The following HSF4 variants were observed in gnomAD, a reference collection of about 807,000 sequenced individuals.
HSF4 encodes the protein heat shock factor protein 4.
HSF4 carries 41 observed loss-of-function variants against 52.0 expected under a neutral mutation model. The ratio of observed to expected loss-of-function variants is 0.79; its 90% CI spans 0.61 to 1.02. The LOEUF is 1.02. HSF4 is among the 50% of genes least tolerant of loss of function. The pLI, the probability that HSF4 is intolerant of heterozygous loss-of-function variation, is 0.00. For synonymous variants in HSF4, 285 were observed against 273.0 expected (o/e 1.04, Z -0.43); for missense variants, 610 against 651.1 (o/e 0.94, Z 0.69).
chr16:67,164,325 C>T (rs1323253436), upstream of HSF4: 1 of 397,198 alleles, frequency 2.5e-6, no homozygotes, highest in African/African-American at 2.1e-5. Flanking sequence ...GGCACTCACA[C>T]CCTTGGAATG....
chr16:67,169,072 C>T lies in HSF4; in HGVS notation c.1225C>T (p.Leu409=). 6.2e-7 allele frequency: 1 copy of T among 1,613,680 alleles called. No individual in the cohort carries two copies. Among genetic ancestry groups the T allele is most frequent in the Non-Finnish European group, 8.5e-7 (1 of 1,180,028 alleles). The stretch of plus-strand genomic sequence containing the variant: ...CAGTCTCCAAGGGCGAGAATGGACC[C>T]TGATGGACTTGGACATGGAGCTGTC... The part of the protein sequence containing the change: ...GPSLQGREWT[L]MDLDMELSLM... The change falls in exon 11 of 13, where the codon CTG becomes TTG. Residue 409 remains leucine (L), a synonymous_variant. Transcript: ENST00000521374. The surrounding 1 kb of genome is among the most constrained non-coding windows in gnomAD (Gnocchi z 4.3).
intron 6 of HSF4, 147 bp from the exon 7 acceptor site, chr16:67,166,973 C>T: frequency 8.9e-7 from 1 of 1,119,140 alleles, no homozygotes; most frequent in Non-Finnish European, 1.3e-6. Context: ...GCCCCTTCCA[C>T]CTCCAGCATG....
rs768496701 is a variant in HSF4, at chr16:67,164,778, G to A, written c.-34G>A. 7.6e-6 allele frequency: 12 copies of A among 1,572,450 alleles called. No individual in the cohort carries two copies. Among genetic ancestry groups the A allele is most frequent in the South Asian group, 6.8e-5 (6 of 88,188 alleles). ...CGGCTTTGACGAGCCCGCAGCGGCC[G>A]GGCCCGAGCGCAGAGCCGGGCCGAG... On this transcript the variant is annotated 5_prime_UTR_variant, in exon 1 of 13. Transcript: ENST00000521374.
chr16:67,165,457 G>T lies in HSF4; in HGVS notation c.124-65G>T. 6.9e-7 allele frequency: 1 copy of T among 1,441,114 alleles called. No individual in the cohort carries two copies. Among genetic ancestry groups the T allele is most frequent in the Non-Finnish European group, 9.8e-7 (1 of 1,024,796 alleles). The allele number at this position is 1,441,114 out of a possible 1,614,324, so 89.3% of individuals were successfully genotyped here. ...CGCGCGCTGGAGCGCAGGACTGGCC[G>T]TGAGCGGGCACCGCTCACCCTCCTG... On this transcript the variant is annotated intron_variant, in intron 1 of 12. Coordinates refer to ENST00000521374, the MANE Select transcript of HSF4 (RefSeq NM_001374675.1). This position sits in a 1 kb window ranked among gnomAD's most constrained non-coding sequence, Gnocchi z 6.9.
chr16:67,164,681 A>T, upstream of HSF4: 1 of 1,126,676 alleles, frequency 8.9e-7, no homozygotes, highest in Non-Finnish European at 1.2e-6. Context: ...GCGGGCTTGC[A>T]CGTGGCCCCC....
rs984086199 is a variant in HSF4 at position 67,169,809 on chromosome 16, T to A, written c.*24T>A. The A allele has an allele frequency of 1.2e-6, 2 of 1,612,722 alleles. No homozygotes were observed. The highest frequency in any genetic ancestry group is 2.7e-5 in the African/African-American group (2 of 74,940). On this transcript the variant is annotated 3_prime_UTR_variant, in exon 13 of 13. Transcript: ENST00000521374. This position sits in a 1 kb window ranked among gnomAD's most constrained non-coding sequence, Gnocchi z 4.3. ...AAGACCCCGCGCCTCTGAAGGGGCT[T>A]GGAACCAGTCCGCCGCTGCACATCC...
At position 67,169,697 on chromosome 16, in the gene HSF4, T is replaced by C. The variant is rs577473154; in HGVS notation, c.1391T>C (p.Leu464Pro). The C allele has an allele frequency of 1.2e-5, 19 of 1,612,886 alleles. No individual in the cohort carries two copies. In the African/African-American group the frequency reaches 2.4e-4, roughly 20 times the overall value. ...CAGGCGGCCTTGGGAGGCCCAGCCCTGGGCCTGCCTGGGGCTTTAACCATT... is the reference window on the plus strand; with the variant it reads ...CAGGCGGCCTTGGGAGGCCCAGCCCCGGGCCTGCCTGGGGCTTTAACCATT... The part of the protein sequence containing the change: ...DVQAALGGPA[L>P]GLPGALTIYS... Residue 464 changes from leucine (L) to proline (P), a missense_variant, in exon 13 of 13, where the codon CTG becomes CCG. Physicochemically the swap from Leu to Pro is moderately conservative, Grantham distance 98. Coordinates refer to ENST00000521374, the MANE Select transcript of HSF4 (RefSeq NM_001374675.1). The surrounding 1 kb of genome is among the most constrained non-coding windows in gnomAD (Gnocchi z 4.3).
At chr16:67,163,849 G>A (rs939031626), upstream of HSF4, 2 of 1,520,086 alleles carry the variant, frequency 1.3e-6, no homozygotes, top group Admixed American at 2.0e-5. Context: ...CCGTCCCCGT[G>A]GACGTAAGCG....
At chr16:67,167,061 C>G in intron 6 of HSF4, 59 bp from the exon 7 acceptor site, 1 of 1,612,432 alleles carries the variant, frequency 6.2e-7, no homozygotes, top group Non-Finnish European at 8.5e-7. Context: ...AAGTGCAGGC[C>G]GAGGTGCATG....
In HSF4 at chr16:67,167,774, C is replaced by G. The variant is rs755141712; in HGVS notation, c.909C>G (p.Gly303=). 4 of 1,601,776 alleles carry G rather than the reference C, an allele frequency of 2.5e-6. No individual in the cohort carries two copies. In the South Asian group the frequency reaches 4.4e-5, roughly 18 times the overall value. ...KEEPASPGGD[G]EAGLALAPNE... ...AGCCGGCCAGTCCAGGGGGGGATGG[C>G]GAGGCCGGGCTGGCCCTGGCCCCAA... Residue 303 remains glycine (G), a synonymous_variant, in exon 9 of 13, where the codon GGC becomes GGG. Coordinates refer to ENST00000521374, the MANE Select transcript of HSF4 (RefSeq NM_001374675.1).
rs752163982 is a variant in HSF4, at chr16:67,169,670, T to C, written c.1364T>C (p.Val455Ala). 11 of 1,611,784 alleles carry C rather than the reference T, an allele frequency of 6.8e-6. 1 individual carries two copies. In the East Asian group the frequency reaches 2.0e-4, roughly 29 times the overall value. Residue 455 changes from valine to alanine, a missense_variant, in exon 13 of 13, where the codon GTC becomes GCC. Val to Ala is a moderately conservative substitution (Grantham distance 64). Coordinates refer to ENST00000521374, the MANE Select transcript of HSF4 (RefSeq NM_001374675.1). This position sits in a 1 kb window ranked among gnomAD's most constrained non-coding sequence, Gnocchi z 4.3. The stretch of plus-strand genomic sequence containing the variant: ...CTCGGGGCCCCACTCCTGCTGGATG[T>C]CCAGGCGGCCTTGGGAGGCCCAGCC... ...PTLGAPLLLD[V>A]QAALGGPALG...
Position 67,169,055 on chromosome 16 carries a change from A to C in HSF4, c.1208A>C (p.Gln403Pro). The C allele has an allele frequency of 6.2e-7, 1 of 1,613,896 alleles. No individual in the cohort carries two copies. The highest frequency in any genetic ancestry group is 8.5e-7 in the Non-Finnish European group (1 of 1,180,008). ...GPLDVLGPSL[Q>P]GREWTLMDLD... ...CCTCAGGTGCTGGGCCCCAGTCTCC[A>C]AGGGCGAGAATGGACCCTGATGGAC... The change falls in exon 11 of 13, where the codon CAA (glutamine) becomes CCA (proline). Residue 403 changes from glutamine to proline, a missense_variant. Physicochemically the swap from Gln to Pro is moderately conservative, Grantham distance 76 (BLOSUM62 -1). Coordinates refer to ENST00000521374, the MANE Select transcript of HSF4 (RefSeq NM_001374675.1). The surrounding 1 kb of genome is among the most constrained non-coding windows in gnomAD (Gnocchi z 4.3).
chr16:67,165,615 C>T lies in HSF4; in HGVS notation c.217C>T (p.Arg73Cys). The T allele has an allele frequency of 6.2e-7, 1 of 1,613,080 alleles. No homozygotes were observed. Among genetic ancestry groups the T allele is most frequent in the Admixed American group, 1.7e-5 (1 of 60,034 alleles). Residue 73 changes from arginine (R) to cysteine (C), a missense_variant, in exon 2 of 13, where the codon CGC becomes TGC. By Grantham distance (180) the Arg-to-Cys change is radical (BLOSUM62 -3). Coordinates refer to ENST00000521374, the MANE Select transcript of HSF4 (RefSeq NM_001374675.1). The surrounding 1 kb of genome is among the most constrained non-coding windows in gnomAD (Gnocchi z 6.9). ...FKHSNMASFV[R>C]QLNMYGFRKV... The stretch of plus-strand genomic sequence containing the variant: ...GCATAGCAACATGGCGAGCTTCGTG[C>T]GCCAACTCAACATGTGTGAGTCCCT...
In HSF4 at chr16:67,167,131, T is replaced by A; in HGVS notation, c.638T>A (p.Leu213Gln). Residue 213 changes from leucine (L) to glutamine (Q), a missense_variant, in exon 7 of 13, where the codon CTG (leucine) becomes CAG (glutamine). By Grantham distance (113) the Leu-to-Gln change is moderately radical (BLOSUM62 -2). Transcript: ENST00000521374. ...AGGKRKLSLMLDEGSSCPTPA... is the reference protein window; with the variant it reads ...AGGKRKLSLMQDEGSSCPTPA... Reference sequence around the variant, plus strand: ...GATCGACCACACAGGTCCCTGATGCTGGATGAGGGGAGCTCATGCCCAACA... The same window carrying A: ...GATCGACCACACAGGTCCCTGATGCAGGATGAGGGGAGCTCATGCCCAACA... The A allele has an allele frequency of 6.2e-7, 1 of 1,614,164 alleles. No individual in the cohort carries two copies.
Position 67,165,938 on chromosome 16 carries a change from G to A in HSF4, c.361-8G>A, listed in dbSNP as rs1346177517. On this transcript the variant is annotated splice_region_variant and splice_polypyrimidine_tract_variant and intron_variant, in intron 3 of 12. Coordinates refer to ENST00000521374, the MANE Select transcript of HSF4 (RefSeq NM_001374675.1). This position sits in a 1 kb window ranked among gnomAD's most constrained non-coding sequence, Gnocchi z 6.9. Reference sequence around the variant, plus strand: ...CGACCCAGTCCCGACGGTGCCTCCCGCCTGCAGGTGCCCGCGCTGCGCGGC... The same window carrying A: ...CGACCCAGTCCCGACGGTGCCTCCCACCTGCAGGTGCCCGCGCTGCGCGGC... 6.3e-6 allele frequency: 10 copies of A among 1,577,856 alleles called. No individual in the cohort carries two copies. In the African/African-American group the frequency reaches 1.2e-4, roughly 19 times the overall value.
chr16:67,168,086 C>A, intron 9 of HSF4, 139 bp downstream of exon 9: 1 of 774,562 alleles, frequency 1.3e-6, no homozygotes, highest in South Asian at 1.5e-5. Context: ...AAAGCAGAGC[C>A]TCCCAGTCAG....
upstream of HSF4, chr16:67,164,461 G>A: frequency 1.9e-6 from 1 of 520,350 alleles, no homozygotes; most frequent in South Asian, 1.5e-5. Context: ...GCCCACACCA[G>A]GTCGCGCACC....
In HSF4 at chr16:67,169,129, G is replaced by A; in HGVS notation, c.1254+28G>A. 1 of 1,609,404 alleles carries A rather than the reference G, an allele frequency of 6.2e-7. No individual in the cohort carries two copies. Among genetic ancestry groups the A allele is most frequent in the South Asian group, 1.1e-5 (1 of 91,036 alleles). The stretch of plus-strand genomic sequence containing the variant: ...AAGAAGTGGGTCGGGGAGGGCAGAG[G>A]CCAGGGGTGGCTGAGTCAAGCCCTC... On this transcript the variant is annotated intron_variant, in intron 11 of 12. Transcript: ENST00000521374. The surrounding 1 kb of genome is among the most constrained non-coding windows in gnomAD (Gnocchi z 4.3).
intron 9 of HSF4, among the ~76,000 whole-genome samples, chr16:67,168,498 AAGAG>A (rs370083477): frequency 4.4e-4 from 67 of 151,064 alleles, no homozygotes; most frequent in Middle Eastern, 3.4e-3. Context: ...GAAAGAAGGA[AAGAG>A]AGAGAGAGAG....
Sources: allele counts gnomAD v4.1 joint callset (sites outside exome capture counted in the v4.1 genomes callset), GRCh38; gene constraint gnomAD v4.1.1; non-coding constraint Gnocchi (gnomAD v3.1); transcripts MANE v1.5; gene names NCBI Gene and HGNC (gene_info 2026-07-23, HGNC 2026-07-21).